SETBP1: variants seen among roughly 807,000 people sequenced by gnomAD.
SETBP1 encodes SET binding protein 1, also known as SET-binding protein.
In SETBP1, 9 loss-of-function variants were observed where a neutral mutation model predicts 101.0. The observed-to-expected ratio is 0.09, with a 90% confidence interval of 0.05 to 0.16. SETBP1 has a LOEUF of 0.16. SETBP1 is among the 10% of genes least tolerant of loss of function. The pLI is 1.00. For synonymous variants in SETBP1, 818 were observed against 788.5 expected (o/e 1.04, Z -0.63); for missense variants, 1,858 against 2,033.8 (o/e 0.91, Z 1.66).
chr18:44,991,470 T>C (rs1469618048), intron 4 of SETBP1, among the ~76,000 whole-genome samples: 1 of 152,092 alleles, frequency 6.6e-6, no homozygotes, highest in East Asian at 1.9e-4. Flanking sequence ...ATAGAAAGTT[T>C]GTATACTTAT....
At chr18:44,750,528 A>G (rs1197192570) in intron 2 of SETBP1, among the ~76,000 whole-genome samples, 2 of 152,166 alleles carry the variant, frequency 1.3e-5, no homozygotes, top group Non-Finnish European at 2.9e-5. Context: ...ACAATTGGGA[A>G]CCAATTTAAA....
At chr18:44,771,545 A>AT (rs2070872923) in intron 2 of SETBP1, among the ~76,000 whole-genome samples, 1 of 152,094 alleles carries the variant, frequency 6.6e-6, no homozygotes, top group Non-Finnish European at 1.5e-5. Flanking sequence ...GCAAAAGGAC[A>AT]TTTTTTATGT....
intron 2 of SETBP1, among the ~76,000 whole-genome samples, chr18:44,820,639 C>G (rs977682337): frequency 1.3e-5 from 2 of 152,190 alleles, no homozygotes; most frequent in Non-Finnish European, 2.9e-5. Context: ...CTTCGTCATC[C>G]ACACAATTTT....
At chr18:44,739,234 C>T (rs947424369) in intron 2 of SETBP1, among the ~76,000 whole-genome samples, 5 of 152,286 alleles carry the variant, frequency 3.3e-5, no homozygotes, top group South Asian at 4.1e-4. Flanking sequence ...AATTCTGTTC[C>T]GCTTTAATTG....
At chr18:44,820,583 AC>A (rs991567989) in intron 2 of SETBP1, among the ~76,000 whole-genome samples, 3 of 151,916 alleles carry the variant, frequency 2.0e-5, no homozygotes, top group Non-Finnish European at 4.4e-5. Context: ...AGCTTCAGAG[AC>A]CCTCCATACT....
intron 3 of SETBP1, among the ~76,000 whole-genome samples, chr18:44,882,774 G>A (rs1010644002): frequency 6.6e-6 from 1 of 152,138 alleles, no homozygotes. Context: ...CAGGGCTCAT[G>A]CTATAGGCTT....
chr18:44,705,995 G>A (rs888302761), intron 2 of SETBP1, among the ~76,000 whole-genome samples: 14 of 152,058 alleles, frequency 9.2e-5, no homozygotes, highest in African/African-American at 3.1e-4. Context: ...ATGCTATTTG[G>A]GAGAGGGCCT....
chr18:44,972,799 A>C (rs979689431), intron 4 of SETBP1, among the ~76,000 whole-genome samples: 2 of 152,202 alleles, frequency 1.3e-5, no homozygotes, highest in Non-Finnish European at 2.9e-5. Context: ...GGTTTTCTAC[A>C]TATACAAACA....
At chr18:44,746,208 T>A (rs570464389) in intron 2 of SETBP1, among the ~76,000 whole-genome samples, 1 of 152,324 alleles carries the variant, frequency 6.6e-6, no homozygotes, top group South Asian at 2.1e-4. Context: ...GGAAGACATT[T>A]ATGTAGTGGG....
intron 2 of SETBP1, among the ~76,000 whole-genome samples, chr18:44,785,959 C>T (rs1156908900): frequency 1.3e-5 from 2 of 152,190 alleles, no homozygotes; most frequent in Non-Finnish European, 2.9e-5. Context: ...TTATTTTTCT[C>T]ACTCCATCAC....
intron 2 of SETBP1, among the ~76,000 whole-genome samples, chr18:44,860,264 C>T (rs678726): frequency 0.34 from 51,862 of 152,036 alleles, 8,949 homozygotes; most frequent in South Asian, 0.39. Context: ...TGGCTTTTTA[C>T]GGACTTTGGA....
At chr18:45,013,807 G>A (rs1282109264) in intron 4 of SETBP1, among the ~76,000 whole-genome samples, 2 of 152,184 alleles carry the variant, frequency 1.3e-5, no homozygotes, top group African/African-American at 2.4e-5. Flanking sequence ...CCCCAATCCT[G>A]ACATGAAGTC....
intron 2 of SETBP1, among the ~76,000 whole-genome samples, chr18:44,766,790 A>AG (rs2047065886): frequency 6.6e-6 from 1 of 152,220 alleles, no homozygotes; most frequent in African/African-American, 2.4e-5. Flanking sequence ...AAGGCAACAT[A>AG]GCAAGACCCT....
chr18:44,867,465 C>A (rs1460622186), intron 2 of SETBP1, among the ~76,000 whole-genome samples: 1 of 152,220 alleles, frequency 6.6e-6, no homozygotes, highest in African/African-American at 2.4e-5. Context: ...TTCATTTCCC[C>A]AGTTTGATGC....
At chr18:44,792,041 T>C (rs950116390) in intron 2 of SETBP1, among the ~76,000 whole-genome samples, 2 of 152,192 alleles carry the variant, frequency 1.3e-5, no homozygotes, top group Admixed American at 1.3e-4. Context: ...CTGCCTCTGC[T>C]CCATTTTCTG....
chr18:44,952,979 GCACAGCGAAGCCGGC>G lies in SETBP1; in HGVS notation c.3644_3658del (p.Ser1215_His1219del), dbSNP rs1360280957. On this transcript the variant is annotated inframe_deletion, in exon 4 of 6. Coordinates refer to ENST00000649279, the MANE Select transcript of SETBP1 (RefSeq NM_015559.3). ...AGCATAAGGAGAAACAGAAGCACCAGCACAGCGAAGCCGGCCACAAAGCTTCTAAGAACAACTTTG... is the reference window on the plus strand; with the variant it reads ...AGCATAAGGAGAAACAGAAGCACCAGCACAAAGCTTCTAAGAACAACTTTG... The G allele has an allele frequency of 6.2e-7, 1 of 1,614,048 alleles. No individual in the cohort carries two copies. The highest frequency in any genetic ancestry group is 8.5e-7 in the Non-Finnish European group (1 of 1,180,042).
At chr18:44,851,403 T>C (rs1164702890) in intron 2 of SETBP1, among the ~76,000 whole-genome samples, 1 of 152,150 alleles carries the variant, frequency 6.6e-6, no homozygotes, top group African/African-American at 2.4e-5. Context: ...GATCTTGCTG[T>C]TTTAGGGAAA....
At position 45,068,023 on chromosome 18, in the gene SETBP1, C is replaced by T. The variant is rs1427991688; in HGVS notation, c.*4325C>T. 2 of 151,858 alleles carry T rather than the reference C, an allele frequency of 1.3e-5. No homozygotes were observed. The highest frequency in any genetic ancestry group is 2.9e-5 in the Non-Finnish European group (2 of 67,952). The allele number at this position is 151,858 out of a possible 1,614,324, so 9.4% of individuals were successfully genotyped here. A position where few individuals can be genotyped will look rare whatever the true frequency, so the allele number is the denominator to read the frequency against. ...GTGTTAAATATGTACATATATATTTCAAAAGAAAAAATGGGGCACAAGATT... is the reference window on the plus strand; with the variant it reads ...GTGTTAAATATGTACATATATATTTTAAAAGAAAAAATGGGGCACAAGATT... On this transcript the variant is annotated 3_prime_UTR_variant, in exon 6 of 6. Coordinates refer to ENST00000649279, the MANE Select transcript of SETBP1 (RefSeq NM_015559.3).
chr18:44,805,431 TGTGG>T lies in SETBP1; in HGVS notation c.487-63795_487-63792del, dbSNP rs1161497220. Reference sequence around the variant, plus strand: ...GTGTGTGTGTGTGTGTGTGTGTGTGTGTGGGTGTGTTTGTACGTGTACTTCTCTT... The same window carrying T: ...GTGTGTGTGTGTGTGTGTGTGTGTGTGTGTGTTTGTACGTGTACTTCTCTT... On this transcript the variant is annotated intron_variant, in intron 2 of 5. Coordinates refer to ENST00000649279, the MANE Select transcript of SETBP1 (RefSeq NM_015559.3). Among the ~76,000 whole-genome samples, 7 of 151,536 alleles carry T rather than the reference TGTGG, an allele frequency of 4.6e-5. No individual in the cohort carries two copies. The South Asian group carries it at 8.3e-4, about 18-fold the overall frequency.
Sources: allele counts gnomAD v4.1 joint callset (sites outside exome capture counted in the v4.1 genomes callset), GRCh38; gene constraint gnomAD v4.1.1; transcripts MANE v1.5; gene names NCBI Gene and HGNC (gene_info 2026-07-23, HGNC 2026-07-21).